ALCAM: variants seen among roughly 807,000 people sequenced by gnomAD.
ALCAM encodes CD166 antigen.
In ALCAM, 30 loss-of-function variants were observed where a neutral mutation model predicts 70.9. That is an observed-to-expected ratio of 0.42 (90% CI 0.32 to 0.57). ALCAM has a LOEUF of 0.57. Ranked by LOEUF, ALCAM falls within the 20% of genes least tolerant of loss-of-function variation. The probability of loss-of-function intolerance (pLI) is 0.11; values close to 1 mark genes in which losing one functional copy is unlikely to be tolerated. For missense variants in ALCAM, 591 were observed against 695.1 expected, an observed-to-expected ratio of 0.85 and a Z score of 1.68; for synonymous variants, 249 against 242.5, an observed-to-expected ratio of 1.03 and a Z score of -0.25.
At chr3:105,467,149 A>G (rs529547712) in intron 1 of ALCAM, among the ~76,000 whole-genome samples, 2 of 151,342 alleles carry the variant, frequency 1.3e-5, no homozygotes, top group Non-Finnish European at 3.0e-5. Context: ...TGAGAATTAC[A>G]TAGGCTAGTA....
intron 1 of ALCAM, among the ~76,000 whole-genome samples, chr3:105,478,550 A>G (rs1938184603): frequency 6.6e-6 from 1 of 152,122 alleles, no homozygotes; most frequent in South Asian, 2.1e-4. Flanking sequence ...GAAACTCACC[A>G]GTGCCATTCT....
intron 9 of ALCAM, among the ~76,000 whole-genome samples, chr3:105,545,894 C>A (rs187018782): frequency 6.6e-6 from 1 of 151,446 alleles, no homozygotes; most frequent in East Asian, 1.9e-4. Context: ...AAAACAGGTT[C>A]CACTGGATCA....
chr3:105,554,841 A>G (rs534473693), intron 14 of ALCAM, among the ~76,000 whole-genome samples: 42 of 151,968 alleles, frequency 2.8e-4, no homozygotes, highest in Admixed American at 5.3e-4. Flanking sequence ...CTTGCGTTCT[A>G]GGGTATTTTC....
chr3:105,547,945 G>T (rs868759475), intron 11 of ALCAM, among the ~76,000 whole-genome samples: 1 of 151,344 alleles, frequency 6.6e-6, no homozygotes, highest in Non-Finnish European at 1.5e-5. Context: ...ACATTAAGGG[G>T]TGTTACTTCT....
chr3:105,564,875 G>T (rs887604343), intron 14 of ALCAM, among the ~76,000 whole-genome samples: 4 of 152,104 alleles, frequency 2.6e-5, no homozygotes, highest in African/African-American at 9.7e-5. Flanking sequence ...GCAAAACCCT[G>T]TCCCTACTAA....
intron 8 of ALCAM, among the ~76,000 whole-genome samples, chr3:105,542,954 C>A (rs1481860862): frequency 2.7e-4 from 41 of 151,814 alleles, no homozygotes. Flanking sequence ...TCCAGTATAA[C>A]AATATTATCC....
intron 1 of ALCAM, among the ~76,000 whole-genome samples, chr3:105,484,811 G>C (rs1233135900): frequency 6.6e-6 from 1 of 152,046 alleles, no homozygotes; most frequent in African/African-American, 2.4e-5. Context: ...ATGGACATGT[G>C]CCACCAGAAG....
chr3:105,437,875 C>T (rs1315610138), intron 1 of ALCAM, among the ~76,000 whole-genome samples: 1 of 151,984 alleles, frequency 6.6e-6, no homozygotes, highest in Admixed American at 6.5e-5. Context: ...GATTCCTAAA[C>T]TCTCATATTT....
intron 14 of ALCAM, among the ~76,000 whole-genome samples, chr3:105,569,564 G>T (rs1163837397): frequency 1.3e-5 from 2 of 152,042 alleles, no homozygotes; most frequent in Non-Finnish European, 2.9e-5. Flanking sequence ...GGTATGTATG[G>T]ACTTCATATT....
rs762442983 is a variant in ALCAM, at chr3:105,524,355, G to A, written c.241G>A (p.Asp81Asn). ...CTCTACAAAGAAAAGTGTGCAGTAC[G>A]ACGATGTACCAGAATACAAAGACAG... ...RSSTKKSVQY[D>N]DVPEYKDRLN... Residue 81 changes from aspartate to asparagine, a missense_variant, in exon 3 of 16, where the codon GAC becomes AAC. Coordinates refer to ENST00000306107, the MANE Select transcript of ALCAM (RefSeq NM_001627.4). 3.7e-6 allele frequency: 6 copies of A among 1,614,024 alleles called. No individual in the cohort carries two copies. Among genetic ancestry groups the A allele is most frequent in the Admixed American group, 1.7e-5 (1 of 60,014 alleles).
intron 1 of ALCAM, among the ~76,000 whole-genome samples, chr3:105,380,828 G>A (rs535769752): frequency 6.5e-4 from 99 of 151,972 alleles, no homozygotes; most frequent in Middle Eastern, 3.4e-3. Context: ...TATCTGTCAC[G>A]ACGGCCATAC....
At chr3:105,465,804 A>T (rs1367116963) in intron 1 of ALCAM, among the ~76,000 whole-genome samples, 3 of 151,374 alleles carry the variant, frequency 2.0e-5, no homozygotes, top group Non-Finnish European at 4.4e-5. Flanking sequence ...ACAGTTTTTC[A>T]TCCTTCACAA....
At chr3:105,531,550 A>G (rs1455329377) in intron 3 of ALCAM, among the ~76,000 whole-genome samples, 1 of 151,950 alleles carries the variant, frequency 6.6e-6, no homozygotes, top group Non-Finnish European at 1.5e-5. Context: ...ATTCTGATTC[A>G]GTAGGCCAAA....
chr3:105,391,867 T>G (rs1422101313), intron 1 of ALCAM, among the ~76,000 whole-genome samples: 1 of 152,156 alleles, frequency 6.6e-6, no homozygotes, highest in Non-Finnish European at 1.5e-5. Flanking sequence ...GTTTATGTGA[T>G]GAATTACATT....
At chr3:105,522,698 A>C (rs914002030) in intron 2 of ALCAM, among the ~76,000 whole-genome samples, 2 of 152,198 alleles carry the variant, frequency 1.3e-5, no homozygotes, top group Non-Finnish European at 2.9e-5. Context: ...TCTAAGCTCA[A>C]ATTTTTGCTC....
intron 1 of ALCAM, among the ~76,000 whole-genome samples, chr3:105,508,781 A>G (rs1016318016): frequency 2.0e-5 from 3 of 151,536 alleles, no homozygotes; most frequent in Non-Finnish European, 2.9e-5. Flanking sequence ...TATACAGTAC[A>G]CTATTATTAA....
chr3:105,383,301 A>G (rs1935573008), intron 1 of ALCAM, among the ~76,000 whole-genome samples: 1 of 151,656 alleles, frequency 6.6e-6, no homozygotes, highest in African/African-American at 2.4e-5. Flanking sequence ...GTGTCTACTT[A>G]ATCTTTTTTC....
chr3:105,503,008 C>A (rs1576205944), intron 1 of ALCAM, among the ~76,000 whole-genome samples: 1 of 152,310 alleles, frequency 6.6e-6, no homozygotes, highest in Admixed American at 6.5e-5. Flanking sequence ...TTTTTCCAAT[C>A]TCAAATTGGT....
rs141644949 is a variant in ALCAM at position 105,384,210 on chromosome 3, G to A, written c.73+16729G>A. On this transcript the variant is annotated intron_variant, in intron 1 of 15. Transcript: ENST00000306107. ...ATTTGAATGATGTTTCATTTTTACT[G>A]AAAAATAAACCTTGTGCTCTTGAAA... Among the ~76,000 whole-genome samples, 795 of 151,596 alleles carry A rather than the reference G, an allele frequency of 5.2e-3. 6 individuals are homozygous for A. The highest frequency in any genetic ancestry group is 0.018 in the African/African-American group (736 of 41,434).
Sources: gnomAD v4.1 joint callset for allele counts (sites outside exome capture counted in the v4.1 genomes callset) on GRCh38, gnomAD v4.1.1 for gene constraint, MANE v1.5 for transcripts, NCBI Gene and HGNC (gene_info 2026-07-23, HGNC 2026-07-21) for gene names.